The following NALF1 variants were observed in gnomAD, a reference collection of about 807,000 sequenced individuals.
NALF1 encodes family with sequence similarity 155 member A.
Under a neutral mutation model 48.4 loss-of-function variants are expected in NALF1, and 3 were observed. The ratio of observed to expected loss-of-function variants is 0.06; its 90% confidence interval spans 0.03 to 0.16. The LOEUF (loss-of-function observed/expected upper bound fraction) is 0.16, where lower values mean the gene tolerates loss of function less well. Ranked by LOEUF, NALF1 falls within the 10% of genes least tolerant of loss-of-function variation. NALF1 has a pLI of 1.00. For synonymous variants in NALF1, 262 were observed against 245.7 expected (o/e 1.07, Z -0.62); for missense variants, 526 against 571.5 (o/e 0.92, Z 0.81).
intron 1 of NALF1, among the ~76,000 whole-genome samples, chr13:107,250,029 T>C (rs1299490022): frequency 6.6e-6 from 1 of 151,704 alleles, no homozygotes; most frequent in Non-Finnish European, 1.5e-5. Context: ...ACAGATTCTC[T>C]AGGGGTTTTA....
intron 1 of NALF1, among the ~76,000 whole-genome samples, chr13:107,390,847 G>A (rs534430985): frequency 3.3e-5 from 5 of 150,978 alleles, no homozygotes; most frequent in Non-Finnish European, 5.9e-5. Context: ...ACATCTACAC[G>A]ACCAAAAGTC....
chr13:107,412,118 G>T (rs1195298040), intron 1 of NALF1, among the ~76,000 whole-genome samples: 2 of 152,132 alleles, frequency 1.3e-5, no homozygotes, highest in African/African-American at 4.8e-5. Flanking sequence ...GACTTCAAGT[G>T]ACAGAGACAG....
In NALF1 at chr13:107,167,700, T is replaced by C. The variant is rs1231554879; in HGVS notation, c.*2797A>G. ...TACCGTTCCTTCCTCACCTAAATTA[T>C]CACTTTATATTTACAATGAAGACTG... On this transcript the variant is annotated 3_prime_UTR_variant, in exon 3 of 3. Transcript: ENST00000375915. 1 of 151,712 alleles carries C rather than the reference T, an allele frequency of 6.6e-6. No homozygotes were observed. Among genetic ancestry groups the C allele is most frequent in the Non-Finnish European group, 1.5e-5 (1 of 67,926 alleles). The allele number at this position is 151,712 out of a possible 1,614,324, so 9.4% of individuals were successfully genotyped here.
intron 1 of NALF1, among the ~76,000 whole-genome samples, chr13:107,716,511 C>G (rs1182000916): frequency 6.6e-6 from 1 of 152,184 alleles, no homozygotes; most frequent in Non-Finnish European, 1.5e-5. Context: ...TCTGCACTTA[C>G]ATTTACAGAC....
chr13:107,382,365 T>C (rs1183986999), intron 1 of NALF1, among the ~76,000 whole-genome samples: 1 of 152,220 alleles, frequency 6.6e-6, no homozygotes, highest in Non-Finnish European at 1.5e-5. Flanking sequence ...CTCATTAATA[T>C]TCTGTAATCA....
At chr13:107,505,601 G>A (rs191044286) in intron 1 of NALF1, among the ~76,000 whole-genome samples, 5 of 152,274 alleles carry the variant, frequency 3.3e-5, no homozygotes, top group African/African-American at 7.2e-5. Flanking sequence ...CCTGACAACC[G>A]GGAATGAGGA....
intron 1 of NALF1, among the ~76,000 whole-genome samples, chr13:107,799,519 C>T (rs1312122730): frequency 6.6e-6 from 1 of 152,132 alleles, no homozygotes; most frequent in Non-Finnish European, 1.5e-5. Context: ...TCACATCCCC[C>T]CAAACACCAC....
At chr13:107,333,584 A>G (rs552571345) in intron 1 of NALF1, among the ~76,000 whole-genome samples, 53 of 152,320 alleles carry the variant, frequency 3.5e-4, no homozygotes, top group African/African-American at 1.2e-3. Flanking sequence ...GGGGGCAGGT[A>G]CGAGTAAATT....
At chr13:107,382,204 C>T (rs1883452941) in intron 1 of NALF1, among the ~76,000 whole-genome samples, 3 of 152,200 alleles carry the variant, frequency 2.0e-5, no homozygotes, top group South Asian at 2.1e-4. Context: ...AACACCATGA[C>T]CCAGTTGCTA....
intron 2 of NALF1, among the ~76,000 whole-genome samples, chr13:107,176,409 G>A (rs1002047239): frequency 6.6e-6 from 1 of 150,646 alleles, no homozygotes; most frequent in African/African-American, 2.4e-5. Context: ...TTGGGAGGTC[G>A]AGGCAGGCAG....
intron 1 of NALF1, among the ~76,000 whole-genome samples, chr13:107,451,496 G>A (rs1169666952): frequency 6.6e-6 from 1 of 152,068 alleles, no homozygotes. Flanking sequence ...AGCCATACAC[G>A]CTTATGAAAT....
intron 1 of NALF1, among the ~76,000 whole-genome samples, chr13:107,262,769 G>GCGCGCTCTCTCTCTCTCTCT (rs36027059): frequency 2.8e-5 from 4 of 144,122 alleles, no homozygotes; most frequent in Middle Eastern, 3.5e-3. Flanking sequence ...ACCCACAGGC[G>GCGCGCTCTCTCTCTCTCTCT]CTCTCTCTCT....
chr13:107,687,645 T>G (rs1035830798), intron 1 of NALF1, among the ~76,000 whole-genome samples: 2 of 152,176 alleles, frequency 1.3e-5, no homozygotes, highest in Non-Finnish European at 2.9e-5. Flanking sequence ...TTACCTACTT[T>G]AGCAAAACGA....
In NALF1 at chr13:107,215,716, G is replaced by A. The variant is rs191139405; in HGVS notation, c.916-4961C>T. On this transcript the variant is annotated intron_variant, in intron 1 of 2. Coordinates refer to ENST00000375915, the MANE Select transcript of NALF1 (RefSeq NM_001080396.3). ...ACCAGGATCACCATGGTTAACAATG[G>A]TGCCATATAGACAGCTGGCAGGTGT... Among the ~76,000 whole-genome samples, 6 of 152,238 alleles carry A rather than the reference G, an allele frequency of 3.9e-5. No individual in the cohort carries two copies. In the East Asian group the frequency reaches 1.2e-3, roughly 29 times the overall value.
At chr13:107,481,132 T>C (rs1041604811) in intron 1 of NALF1, among the ~76,000 whole-genome samples, 1 of 152,152 alleles carries the variant, frequency 6.6e-6, no homozygotes, top group South Asian at 2.1e-4. Flanking sequence ...CTTTTACTAA[T>C]TACTTTTAAA....
At chr13:107,814,392 G>A (rs763407836) in intron 1 of NALF1, among the ~76,000 whole-genome samples, 4 of 152,130 alleles carry the variant, frequency 2.6e-5, no homozygotes, top group African/African-American at 7.2e-5. Flanking sequence ...GTACTAATAC[G>A]CATTTTGGAT....
At chr13:107,545,246 T>C (rs1877106487) in intron 1 of NALF1, among the ~76,000 whole-genome samples, 1 of 152,138 alleles carries the variant, frequency 6.6e-6, no homozygotes, top group Non-Finnish European at 1.5e-5. Flanking sequence ...GAGTGCTGTG[T>C]GCTGACAGAG....
At chr13:107,218,230 G>A (rs894662182) in intron 1 of NALF1, among the ~76,000 whole-genome samples, 1 of 152,156 alleles carries the variant, frequency 6.6e-6, no homozygotes, top group African/African-American at 2.4e-5. Flanking sequence ...AGCCTTTCCT[G>A]CATTCCCTCT....
At chr13:107,821,449 C>T (rs1406665831) in intron 1 of NALF1, among the ~76,000 whole-genome samples, 5 of 152,104 alleles carry the variant, frequency 3.3e-5, no homozygotes, top group African/African-American at 4.8e-5. Flanking sequence ...GTCGAGATTA[C>T]GCGCCCTTTG....
Sources: gnomAD v4.1 joint callset for allele counts (sites outside exome capture counted in the v4.1 genomes callset) on GRCh38, gnomAD v4.1.1 for gene constraint, MANE v1.5 for transcripts, NCBI Gene and HGNC (gene_info 2026-07-23, HGNC 2026-07-21) for gene names.